Variants in MATN2 observed in about 807,000 individuals in gnomAD.
The protein encoded by MATN2 is matrilin 2, also known as matrilin-2.
A neutral mutation model predicts 103.2 loss-of-function variants in MATN2; 69 were observed. The ratio of observed to expected loss-of-function variants is 0.67; its 90% CI spans 0.55 to 0.82. The LOEUF is 0.82. Ranked by LOEUF, MATN2 falls within the 40% of genes least tolerant of loss-of-function variation. MATN2 has a pLI of 0.00. For synonymous variants in MATN2, 429 were observed against 450.2 expected, an observed-to-expected ratio of 0.95 and a Z score of 0.60; for missense variants, 1,023 against 1,211.5, an observed-to-expected ratio of 0.84 and a Z score of 2.31.
intron 2 of MATN2, among the ~76,000 whole-genome samples, chr8:97,925,022 C>T (rs1435504658): frequency 6.6e-6 from 1 of 152,148 alleles, no homozygotes; most frequent in African/African-American, 2.4e-5. Flanking sequence ...AGGAGTTTAA[C>T]TGAGCAATGA....
rs1390448164 is a variant in MATN2, at chr8:98,033,562, A to C, written c.2718A>C (p.Gly906=). The change falls in exon 18 of 19, where the codon GGA becomes GGC. Residue 906 remains glycine (G), a splice_region_variant and synonymous_variant. Coordinates refer to ENST00000254898, the MANE Select transcript of MATN2 (RefSeq NM_002380.5). ...QKLSHSTKPS[G]SPLEEKHDQC... ...AACACTTTCCATCTGCTTTCTCAGG[A>C]AGCCCTTTGGAAGAAAAACACGATC... 6.4e-7 allele frequency: 1 copy of C among 1,574,424 alleles called. No individual in the cohort carries two copies.
chr8:97,907,445 G>A (rs1819214970), intron 2 of MATN2, among the ~76,000 whole-genome samples: 1 of 151,298 alleles, frequency 6.6e-6, no homozygotes, highest in South Asian at 2.1e-4. Context: ...CCAAGTAGCT[G>A]GGACTACAGG....
At position 98,005,563 on chromosome 8, in the gene MATN2, T is replaced by C. The variant is rs748092005; in HGVS notation, c.1328-1542T>C. ...CACAAGAGATCGGGACCCTCCCTTC[T>C]CTCTGGGATCTAGTCAACTCTAAGA... is the stretch of plus-strand genomic sequence containing the variant. On this transcript the variant is annotated intron_variant, in intron 8 of 18. Transcript: ENST00000254898. The surrounding 1 kb of genome is among the most constrained non-coding windows in gnomAD (Gnocchi z 4.6). 6.6e-5 allele frequency among the ~76,000 whole-genome samples: 10 copies of C among 152,226 alleles called. No homozygotes were observed. Among genetic ancestry groups the C allele is most frequent in the Admixed American group, 1.3e-4 (2 of 15,302 alleles).
At chr8:97,871,388 C>T (rs1817892497) in intron 1 of MATN2, among the ~76,000 whole-genome samples, 1 of 152,116 alleles carries the variant, frequency 6.6e-6, no homozygotes, top group South Asian at 2.1e-4. Flanking sequence ...CTAACGCTGG[C>T]CTGAGCAAGG....
chr8:97,946,284 C>A (rs75602911), intron 4 of MATN2, among the ~76,000 whole-genome samples: 161 of 152,320 alleles, frequency 1.1e-3, no homozygotes, highest in African/African-American at 3.6e-3. Flanking sequence ...GCTTCCATCA[C>A]TTCTTGGCCT....
In MATN2 at chr8:97,882,049, G is replaced by C. The variant is rs949128696; in HGVS notation, c.-26-6026G>C. On this transcript the variant is annotated intron_variant, in intron 1 of 18. Coordinates refer to ENST00000254898, the MANE Select transcript of MATN2 (RefSeq NM_002380.5). Reference sequence around the variant, plus strand: ...CAATTCTCCTGCCTCACCCTCCCAAGTAGCTGGGATTACAGGTGTGCGCCA... The same window carrying C: ...CAATTCTCCTGCCTCACCCTCCCAACTAGCTGGGATTACAGGTGTGCGCCA... Among the ~76,000 whole-genome samples the C allele has an allele frequency of 8.8e-5, 13 of 148,346 alleles. No individual in the cohort carries two copies. The Admixed American group carries it at 9.0e-4, about 10-fold the overall frequency.
At chr8:98,018,138 A>G in intron 12 of MATN2, 22 bp downstream of exon 12, 1 of 1,612,938 alleles carries the variant, frequency 6.2e-7, no homozygotes, top group Non-Finnish European at 8.5e-7. Flanking sequence ...CGAGGTGGAG[A>G]AGAACTTTTC....
At position 97,941,840 on chromosome 8, in the gene MATN2, C is replaced by T. The variant is rs1292496387; in HGVS notation, c.776C>T (p.Ser259Leu). 6.2e-7 allele frequency: 1 copy of T among 1,613,360 alleles called. No individual in the cohort carries two copies. The highest frequency in any genetic ancestry group is 2.2e-5 in the East Asian group (1 of 44,852). The change falls in exon 4 of 19, where the codon TCA becomes TTA. Residue 259 changes from serine to leucine, a missense_variant. Ser to Leu is a moderately radical substitution (Grantham distance 145). Transcript: ENST00000254898. Reference protein sequence around the residue: ...CAHFCINIPGSYVCRCKQGYI... With the variant: ...CAHFCINIPGLYVCRCKQGYI... ...CACTTCTGCATCAACATCCCTGGCTCATACGTCTGCAGGTGCAAACAAGGC... is the reference window on the plus strand; with the variant it reads ...CACTTCTGCATCAACATCCCTGGCTTATACGTCTGCAGGTGCAAACAAGGC...
At chr8:97,887,859 A>C (rs1412208494) in intron 1 of MATN2, 3 of 432,106 alleles carry the variant, frequency 6.9e-6, no homozygotes, top group Non-Finnish European at 8.1e-6. Flanking sequence ...AAAGTGATGA[A>C]AAATTCCAAC....
In MATN2 at chr8:98,035,704, T is replaced by C. The variant is rs1365021290; in HGVS notation, c.2863T>C (p.Tyr955His). ...RMEALENRLR[Y>H]R The stretch of plus-strand genomic sequence containing the variant: ...GGAAGCCCTGGAAAATCGCCTGAGA[T>C]ACAGATGAAGATTAGAAATCGCGAC... Residue 955 changes from tyrosine to histidine, a missense_variant, in exon 19 of 19, where the codon TAC becomes CAC. Physicochemically the swap from Tyr to His is moderately conservative, Grantham distance 83. Transcript: ENST00000254898. 1.3e-6 allele frequency: 2 copies of C among 1,597,898 alleles called. No individual in the cohort carries two copies. The highest frequency in any genetic ancestry group is 1.7e-4 in the Middle Eastern group (1 of 5,998).
intron 2 of MATN2, among the ~76,000 whole-genome samples, chr8:97,896,032 A>G (rs1189225706): frequency 6.6e-6 from 1 of 152,122 alleles, no homozygotes; most frequent in Non-Finnish European, 1.5e-5. Context: ...TTTTGTGTAG[A>G]CCATAGAATG....
chr8:97,915,247 C>T (rs1809582293), intron 2 of MATN2, among the ~76,000 whole-genome samples: 1 of 152,142 alleles, frequency 6.6e-6, no homozygotes, highest in African/African-American at 2.4e-5. Flanking sequence ...CTGCCTTAGC[C>T]ACCCAAAGTG....
At chr8:97,898,498 G>A (rs545774723) in intron 2 of MATN2, among the ~76,000 whole-genome samples, 34 of 151,742 alleles carry the variant, frequency 2.2e-4, no homozygotes, top group Admixed American at 1.6e-3. Context: ...TCGGGAGGCC[G>A]AGGCAGGAAA....
chr8:98,010,532 C>T (rs984940793), intron 10 of MATN2, among the ~76,000 whole-genome samples: 1 of 152,148 alleles, frequency 6.6e-6, no homozygotes, highest in African/African-American at 2.4e-5. Flanking sequence ...TGTTGCAGTG[C>T]TATGTGAACT....
chr8:97,994,712 T>C, intron 7 of MATN2, 110 bp downstream of exon 7: 1 of 1,188,762 alleles, frequency 8.4e-7, no homozygotes, highest in Non-Finnish European at 1.2e-6. Flanking sequence ...CAGCATTGTG[T>C]CTATTAACAT....
At chr8:97,887,309 A>C (rs1235112548) in intron 1 of MATN2, among the ~76,000 whole-genome samples, 4 of 152,112 alleles carry the variant, frequency 2.6e-5, no homozygotes, top group African/African-American at 9.7e-5. Flanking sequence ...AGGCCTCCTA[A>C]AGCACTAGGA....
At chr8:97,888,030 C>G in intron 1 of MATN2, 45 bp from the exon 2 acceptor site, 1 of 1,558,662 alleles carries the variant, frequency 6.4e-7, no homozygotes, top group South Asian at 1.2e-5. Flanking sequence ...TCAGGGAGAC[C>G]CGGAAATCTC....
At chr8:97,888,309 G>C in intron 2 of MATN2, 67 bp downstream of exon 2, 1 of 1,387,660 alleles carries the variant, frequency 7.2e-7, no homozygotes, top group Non-Finnish European at 9.3e-7. Context: ...TCAGGGACAG[G>C]GATTGGTGAC....
At chr8:97,959,681 T>TAG (rs1811244610) in intron 4 of MATN2, among the ~76,000 whole-genome samples, 1 of 152,240 alleles carries the variant, frequency 6.6e-6, no homozygotes, top group Non-Finnish European at 1.5e-5. Flanking sequence ...ACCAGAATTC[T>TAG]TATTTGTAGA....
Sources: allele counts gnomAD v4.1 joint callset (sites outside exome capture counted in the v4.1 genomes callset), GRCh38; gene constraint gnomAD v4.1.1; non-coding constraint Gnocchi (gnomAD v3.1); transcripts MANE v1.5; gene names NCBI Gene and HGNC (gene_info 2026-07-23, HGNC 2026-07-21).